The following CHID1 variants were observed in gnomAD, a reference collection of about 807,000 sequenced individuals.
CHID1 encodes chitinase domain containing 1.
A neutral mutation model predicts 55.4 loss-of-function variants in CHID1; 44 were observed. The ratio of observed to expected loss-of-function variants is 0.79; its 90% CI spans 0.62 to 1.02. The LOEUF is 1.02. CHID1 is among the 50% of genes least tolerant of loss of function. CHID1 has a pLI of 0.00. For synonymous variants in CHID1, 216 were observed against 212.9 expected (o/e 1.01, Z -0.13); for missense variants, 491 against 515.3 (o/e 0.95, Z 0.46).
At chr11:873,915 A>G (rs1201429238) in intron 10 of CHID1, among the ~76,000 whole-genome samples, 2 of 152,010 alleles carry the variant, frequency 1.3e-5, no homozygotes, top group Non-Finnish European at 2.9e-5. Context: ...TACACACAAA[A>G]CACACCGAGA....
upstream of CHID1, among the ~76,000 whole-genome samples, chr11:913,687 C>T (rs911695304): frequency 2.0e-5 from 3 of 151,448 alleles, no homozygotes; most frequent in Non-Finnish European, 2.9e-5. Context: ...GCATGAGAAT[C>T]GCTTGAACTG....
intron 1 of CHID1, 86 bp from the exon 2 acceptor site, chr11:904,945 C>G (rs1455107635): frequency 1.4e-6 from 2 of 1,425,490 alleles, no homozygotes; most frequent in Admixed American, 3.9e-5. Context: ...CCACTTTCTC[C>G]TAATAGGGCC....
intron 9 of CHID1, 151 bp downstream of exon 9, chr11:883,917 C>T (rs1018189807): frequency 3.0e-6 from 2 of 656,152 alleles, no homozygotes; most frequent in Non-Finnish European, 2.7e-6. Context: ...CACTGGCTTC[C>T]CTCAGGTGGG....
At chr11:912,450 C>A (rs1357906246), upstream of CHID1, among the ~76,000 whole-genome samples, 1 of 152,230 alleles carries the variant, frequency 6.6e-6, no homozygotes, top group Non-Finnish European at 1.5e-5. Context: ...GAGCTCCCAA[C>A]GGCCGGGTTC....
upstream of CHID1, among the ~76,000 whole-genome samples, chr11:914,090 T>C (rs1296872971): frequency 6.6e-6 from 1 of 151,372 alleles, no homozygotes; most frequent in Non-Finnish European, 1.5e-5. Flanking sequence ...AAAGTGACTG[T>C]AAAGTCTTCT....
chr11:879,832 G>A (rs746337372), intron 10 of CHID1, among the ~76,000 whole-genome samples: 3 of 152,236 alleles, frequency 2.0e-5, no homozygotes, highest in Non-Finnish European at 4.4e-5. Context: ...GCTTTGCACA[G>A]GGGATCCTGG....
At chr11:899,574 G>A (rs1364813744) in intron 6 of CHID1, among the ~76,000 whole-genome samples, 173 bp from the exon 7 acceptor site, 3 of 152,258 alleles carry the variant, frequency 2.0e-5, no homozygotes, top group Non-Finnish European at 4.4e-5. Context: ...GAGGAAGTGT[G>A]GGGGTCCCAG....
At chr11:894,882 T>C (rs1369906714) in intron 7 of CHID1, among the ~76,000 whole-genome samples, 1 of 152,188 alleles carries the variant, frequency 6.6e-6, no homozygotes, top group Non-Finnish European at 1.5e-5. Flanking sequence ...CAAGTGGGAC[T>C]GTCATTTTCC....
chr11:881,261 T>G (rs1274083337), intron 10 of CHID1, among the ~76,000 whole-genome samples: 4 of 151,838 alleles, frequency 2.6e-5, no homozygotes, highest in African/African-American at 7.3e-5. Flanking sequence ...CTGGACCACA[T>G]AGTGAGACCC....
intron 1 of CHID1, 194 bp downstream of exon 1, chr11:910,581 T>C: frequency 8.5e-7 from 1 of 1,176,256 alleles, no homozygotes; most frequent in South Asian, 1.5e-5. Context: ...CAACCCTCTC[T>C]CACCCTCGTC....
At chr11:893,628 A>C (rs1589866236) in intron 7 of CHID1, 109 bp from the exon 8 acceptor site, 3 of 822,720 alleles carry the variant, frequency 3.6e-6, no homozygotes, top group Non-Finnish European at 5.7e-6. Flanking sequence ...CCAGCCTGAC[A>C]CCCTGCAGCA....
intron 10 of CHID1, among the ~76,000 whole-genome samples, chr11:872,540 C>A (rs1353015386): frequency 6.6e-6 from 1 of 152,212 alleles, no homozygotes; most frequent in South Asian, 2.1e-4. Context: ...TGGACCCCTG[C>A]CCTCCTGTGG....
chr11:913,411 G>A (rs1852797881), upstream of CHID1, among the ~76,000 whole-genome samples: 1 of 152,108 alleles, frequency 6.6e-6, no homozygotes. Context: ...TTTATAAATT[G>A]TTTGAAATGT....
Position 904,794 on chromosome 11 carries a change from AG to A in CHID1, c.22del (p.Leu8SerfsTer45). On this transcript the variant is annotated frameshift_variant, in exon 2 of 13. Transcript: ENST00000323578. LOFTEE classifies it high-confidence loss of function. The stretch of plus-strand genomic sequence containing the variant: ...AGGGCTGCAGGCCAGGGCAAGCCAG[AG>A]GAGGTTGAAGAGTGTCCGCATGGTA... MRTLFNL[L>X]WLALACSPVH... The A allele has an allele frequency of 6.2e-7, 1 of 1,614,008 alleles. No individual in the cohort carries two copies. Among genetic ancestry groups the A allele is most frequent in the Non-Finnish European group, 8.5e-7 (1 of 1,180,016 alleles).
intron 8 of CHID1, among the ~76,000 whole-genome samples, chr11:885,661 C>A (rs1304146301): frequency 6.6e-6 from 1 of 152,304 alleles, no homozygotes; most frequent in Non-Finnish European, 1.5e-5. Context: ...TCCACTGGAA[C>A]CTTCCTGCCC....
rs756221045 is a variant in CHID1, at chr11:875,642, A to C, written c.960-5143T>G. On this transcript the variant is annotated intron_variant, in intron 10 of 12. Transcript: ENST00000323578. The surrounding 1 kb of genome is among the most constrained non-coding windows in gnomAD (Gnocchi z 4.7). ...GCGCCACATGAGGCCGAGGGAGTCA[A>C]GTCCTGGGGTGGCCATGAGGGGCTC... Among the ~76,000 whole-genome samples, 5 of 152,136 alleles carry C rather than the reference A, an allele frequency of 3.3e-5. No homozygotes were observed. The highest frequency in any genetic ancestry group is 4.8e-5 in the African/African-American group (2 of 41,430).
upstream of CHID1, among the ~76,000 whole-genome samples, chr11:912,775 C>T (rs1451493551): frequency 2.0e-5 from 3 of 150,128 alleles, no homozygotes; most frequent in Admixed American, 6.7e-5. Context: ...ACCCAGGAGG[C>T]GGAGCTTGCA....
chr11:903,213 C>T, intron 2 of CHID1, 102 bp from the exon 3 acceptor site: 4 of 1,223,222 alleles, frequency 3.3e-6, no homozygotes, highest in South Asian at 1.4e-5. Flanking sequence ...GCAGCCGAGT[C>T]TCTGGATCCA....
At chr11:910,645 C>T in intron 1 of CHID1, 130 bp downstream of exon 1, 1 of 1,268,222 alleles carries the variant, frequency 7.9e-7, no homozygotes, top group Non-Finnish European at 1.0e-6. Context: ...ACGCACCCGC[C>T]CGGCGTCGCC....
Sources: gnomAD v4.1 joint callset for allele counts (sites outside exome capture counted in the v4.1 genomes callset) on GRCh38, gnomAD v4.1.1 for gene constraint, Gnocchi (gnomAD v3.1) non-coding constraint, MANE v1.5 for transcripts, NCBI Gene and HGNC (gene_info 2026-07-23, HGNC 2026-07-21) for gene names.